The following C12orf54 variants were observed in gnomAD, a reference collection of about 807,000 sequenced individuals.
C12orf54 encodes chromosome 12 open reading frame 54.
In C12orf54, 24 loss-of-function variants were observed where a neutral mutation model predicts 26.4. The ratio of observed to expected loss-of-function variants is 0.91; its 90% confidence interval spans 0.66 to 1.28. C12orf54 has a LOEUF of 1.28. Among genes scored for constraint, C12orf54 ranks in the 50% most tolerant of loss-of-function variants. The pLI, the probability that C12orf54 is intolerant of heterozygous loss-of-function variation, is 0.00. For synonymous variants in C12orf54, 54 were observed against 47.0 expected (o/e 1.15, Z -0.61); for missense variants, 154 against 150.9 (o/e 1.02, Z -0.11).
the C12orf54 span, among the ~76,000 whole-genome samples, chr12:48,416,998 C>T: frequency 0.14 from 21,528 of 152,184 alleles, 2,057 homozygotes; most frequent in Non-Finnish European, 0.22. Context: ...TGCCCTTCCA[C>T]CATGTTATAT....
At chr12:48,443,467 A>G in the C12orf54 span, among the ~76,000 whole-genome samples, 1 of 152,176 alleles carries the variant, frequency 6.6e-6, no homozygotes, top group African/African-American at 2.4e-5. Flanking sequence ...TACTTAAGTG[A>G]GGTCAGTCAT....
chr12:48,436,445 A>G, the C12orf54 span, among the ~76,000 whole-genome samples: 3 of 152,176 alleles, frequency 2.0e-5, no homozygotes, highest in East Asian at 1.9e-4. Context: ...CCCCAAATCA[A>G]CACAATATAC....
chr12:48,476,475 A>G, the C12orf54 span, among the ~76,000 whole-genome samples: 1 of 152,238 alleles, frequency 6.6e-6, no homozygotes, highest in African/African-American at 2.4e-5. Context: ...GTCAAGACCC[A>G]TCAGTGTGCT....
chr12:48,455,895 T>C, the C12orf54 span, among the ~76,000 whole-genome samples: 2 of 152,234 alleles, frequency 1.3e-5, no homozygotes, highest in Non-Finnish European at 2.9e-5. Context: ...CTAACAATCA[T>C]AGTAACTACT....
chr12:48,438,775 C>T, the C12orf54 span, among the ~76,000 whole-genome samples: 1 of 152,118 alleles, frequency 6.6e-6, no homozygotes, highest in East Asian at 1.9e-4. Context: ...TAAAGACTTA[C>T]ATGTTAGACC....
the C12orf54 span, among the ~76,000 whole-genome samples, chr12:48,424,226 A>C: frequency 6.6e-6 from 1 of 152,036 alleles, no homozygotes; most frequent in Non-Finnish European, 1.5e-5. Flanking sequence ...TACTGATTTA[A>C]ATATTGCTGG....
chr12:48,423,826 T>G, the C12orf54 span, among the ~76,000 whole-genome samples: 4 of 152,204 alleles, frequency 2.6e-5, no homozygotes, highest in Middle Eastern at 3.4e-3. Context: ...CAATCTATCT[T>G]TTTTTTCTCT....
the C12orf54 span, among the ~76,000 whole-genome samples, chr12:48,458,522 C>A: frequency 1.3e-5 from 2 of 152,166 alleles, no homozygotes; most frequent in African/African-American, 4.8e-5. Context: ...CTGCATGGCT[C>A]ACCCAAACGT....
chr12:48,476,278 T>G, the C12orf54 span, among the ~76,000 whole-genome samples: 1 of 152,066 alleles, frequency 6.6e-6, no homozygotes, highest in African/African-American at 2.4e-5. Flanking sequence ...CCAGTACCAG[T>G]CACTGCAAAA....
intron 7 of C12orf54, among the ~76,000 whole-genome samples, chr12:48,494,088 A>G (rs1565573747): frequency 3.8e-5 from 2 of 52,870 alleles, no homozygotes; most frequent in African/African-American, 7.9e-5. Context: ...GCGTGGTGGC[A>G]GGTGCCTGTA....
At chr12:48,489,648 C>T (rs1425797206) in intron 5 of C12orf54, among the ~76,000 whole-genome samples, 2 of 151,952 alleles carry the variant, frequency 1.3e-5, no homozygotes, top group African/African-American at 4.8e-5. Flanking sequence ...AATTCCTGGA[C>T]TCAAGCCATC....
chr12:48,481,409 T>C (rs1447414539), upstream of C12orf54, among the ~76,000 whole-genome samples: 1 of 152,112 alleles, frequency 6.6e-6, no homozygotes, highest in East Asian at 1.9e-4. Context: ...CCTGCTGGTC[T>C]CTTAGAGGGT....
At chr12:48,473,154 G>T in the C12orf54 span, 1 of 1,563,908 alleles carries the variant, frequency 6.4e-7, no homozygotes, top group Non-Finnish European at 8.8e-7. Flanking sequence ...TGAGGGCTTT[G>T]TGGAGTGCCT....
the C12orf54 span, among the ~76,000 whole-genome samples, chr12:48,475,655 G>C: frequency 6.6e-6 from 1 of 152,228 alleles, no homozygotes; most frequent in Admixed American, 6.5e-5. Context: ...AGTGATGGAA[G>C]ATGAAATGAA....
At chr12:48,479,603 G>C (rs535857843), upstream of C12orf54, among the ~76,000 whole-genome samples, 2 of 145,630 alleles carry the variant, frequency 1.4e-5, no homozygotes, top group African/African-American at 5.0e-5. Context: ...GTTTTGTTTT[G>C]TTTTTTTTTT....
chr12:48,485,066 T>TCTTTA (rs1201825529), intron 2 of C12orf54, among the ~76,000 whole-genome samples: 2 of 152,060 alleles, frequency 1.3e-5, no homozygotes, highest in Non-Finnish European at 2.9e-5. Context: ...TGTCTTTTTA[T>TCTTTA]TTTTATTTTA....
At chr12:48,472,930 A>G in the C12orf54 span, 1 of 1,614,158 alleles carries the variant, frequency 6.2e-7, no homozygotes, top group Non-Finnish European at 8.5e-7. Context: ...AAGTGTCCAA[A>G]CCTCATACAT....
the C12orf54 span, among the ~76,000 whole-genome samples, chr12:48,434,067 T>C: frequency 6.6e-6 from 1 of 152,298 alleles, no homozygotes; most frequent in East Asian, 1.9e-4. Flanking sequence ...CCCACCCTAA[T>C]ACTGTGCTTT....
the C12orf54 span, among the ~76,000 whole-genome samples, chr12:48,424,912 A>G: frequency 6.6e-6 from 1 of 152,124 alleles, no homozygotes; most frequent in Non-Finnish European, 1.5e-5. Context: ...GCCAAGGGCC[A>G]AGGGGTGGGA....
Sources: gnomAD v4.1 joint callset for allele counts (sites outside exome capture counted in the v4.1 genomes callset) on GRCh38, gnomAD v4.1.1 for gene constraint, MANE v1.5 for transcripts, NCBI Gene and HGNC (gene_info 2026-07-23, HGNC 2026-07-21) for gene names.